SLC20A2: variants seen among roughly 807,000 people sequenced by gnomAD.
SLC20A2 encodes the protein sodium-dependent phosphate transporter 2.
A neutral mutation model predicts 61.0 loss-of-function variants in SLC20A2; 30 were observed. The ratio of observed to expected loss-of-function variants is 0.49; its 90% CI spans 0.37 to 0.67. The LOEUF (loss-of-function observed/expected upper bound fraction) is 0.67, where lower values mean the gene tolerates loss of function less well. Ranked by LOEUF, SLC20A2 falls within the 30% of genes least tolerant of loss-of-function variation. The pLI is 0.00. For missense variants in SLC20A2, 626 were observed against 866.4 expected (o/e 0.72, Z 3.48); for synonymous variants, 351 against 353.3 (o/e 0.99, Z 0.07).
intron 2 of SLC20A2, among the ~76,000 whole-genome samples, chr8:42,467,650 C>G (rs1356973729): frequency 2.6e-5 from 4 of 152,206 alleles, no homozygotes; most frequent in Non-Finnish European, 5.9e-5. Flanking sequence ...GCCATGAGTG[C>G]TAGGCGTGCT....
intron 5 of SLC20A2, among the ~76,000 whole-genome samples, chr8:42,454,724 AATT>A (rs1210176398): frequency 6.6e-6 from 1 of 151,072 alleles, no homozygotes; most frequent in Admixed American, 6.6e-5. Context: ...CAGATTTTAC[AATT>A]ATTATTATTA....
chr8:42,440,003 T>C lies in SLC20A2; in HGVS notation c.731-350A>G, dbSNP rs371241932. On this transcript the variant is annotated intron_variant, in intron 6 of 10. Transcript: ENST00000520262. ...GGGAGGCTGAGGCAGGAGAATCTCT[T>C]AAACCCAGGAGGCAGAATTAGCAGT... is the stretch of plus-strand genomic sequence containing the variant. 6.3e-4 allele frequency among the ~76,000 whole-genome samples: 95 copies of C among 151,646 alleles called. 3 individuals are homozygous for C. The South Asian group carries it at 0.019, about 31-fold the overall frequency.
chr8:42,464,090 ATCTTTTTT>A (rs1489568261), intron 3 of SLC20A2, among the ~76,000 whole-genome samples: 22 of 20,026 alleles, frequency 1.1e-3, no homozygotes, highest in African/African-American at 2.4e-3. Context: ...AGGCTGGATG[ATCTTTTTT>A]TTTTTTTTTT....
At chr8:42,421,937 C>T (rs943420243) in intron 10 of SLC20A2, among the ~76,000 whole-genome samples, 2 of 152,090 alleles carry the variant, frequency 1.3e-5, no homozygotes, top group African/African-American at 2.4e-5. Flanking sequence ...TGAGCCCCTG[C>T]GAGGACCTTG....
intron 1 of SLC20A2, among the ~76,000 whole-genome samples, chr8:42,528,409 C>G (rs1238622022): frequency 6.6e-6 from 1 of 150,580 alleles, no homozygotes. Flanking sequence ...TTGCATTGAG[C>G]AGAGATAATG....
At chr8:42,442,410 G>A (rs1804858638) in intron 6 of SLC20A2, among the ~76,000 whole-genome samples, 1 of 152,096 alleles carries the variant, frequency 6.6e-6, no homozygotes, top group Non-Finnish European at 1.5e-5. Context: ...TTAGGTTAAT[G>A]TTCTTATTTT....
intron 1 of SLC20A2, among the ~76,000 whole-genome samples, chr8:42,480,016 T>G (rs1265288382): frequency 6.6e-6 from 1 of 152,210 alleles, no homozygotes; most frequent in African/African-American, 2.4e-5. Context: ...AGATGTGGAC[T>G]GTAGTGTCAT....
At chr8:42,447,012 T>C (rs1415513261) in intron 5 of SLC20A2, among the ~76,000 whole-genome samples, 1 of 152,202 alleles carries the variant, frequency 6.6e-6, no homozygotes, top group African/African-American at 2.4e-5. Flanking sequence ...TTGTTAACCA[T>C]TTTATACATA....
intron 1 of SLC20A2, among the ~76,000 whole-genome samples, chr8:42,524,362 G>A (rs1355007920): frequency 1.3e-5 from 2 of 152,126 alleles, no homozygotes; most frequent in Non-Finnish European, 2.9e-5. Flanking sequence ...GTGGGTAGAA[G>A]TTTTAACACG....
chr8:42,495,731 G>A (rs1365409762), intron 1 of SLC20A2, among the ~76,000 whole-genome samples: 4 of 151,510 alleles, frequency 2.6e-5, no homozygotes, highest in Non-Finnish European at 4.4e-5. Flanking sequence ...TAAAAGCCAA[G>A]GATTCTACAG....
chr8:42,437,174 C>G lies in SLC20A2; in HGVS notation c.1338G>C (p.Glu446Asp), dbSNP rs374973821. The G allele has an allele frequency of 2.6e-4, 413 of 1,613,528 alleles. No individual in the cohort carries two copies. The highest frequency in any genetic ancestry group is 3.4e-4 in the Non-Finnish European group (405 of 1,180,024). ...YCNAVAEAEIEAEEGGVEMKL... is the reference protein window; with the variant it reads ...YCNAVAEAEIDAEEGGVEMKL... ...TCATCTCCACGCCGCCCTCCTCCGC[C>G]TCGATCTCCGCCTCTGCCACCGCGT... is the stretch of plus-strand genomic sequence containing the variant. Residue 446 changes from glutamate (E) to aspartate (D), a missense_variant, in exon 8 of 11, where the codon GAG (glutamate) becomes GAC (aspartate). By Grantham distance (45) the Glu-to-Asp change is conservative. Around this residue, in one of 3 missense-constraint regions of SLC20A2, gnomAD observed 361 missense variants for 422.3 expected, o/e 0.85. Transcript: ENST00000520262. This position sits in a 1 kb window ranked among gnomAD's most constrained non-coding sequence, Gnocchi z 6.4.
rs1358266775 is a variant in SLC20A2, at chr8:42,419,906, G to A, written c.1795-1939C>T. 3.3e-5 allele frequency among the ~76,000 whole-genome samples: 5 copies of A among 152,132 alleles called. No individual in the cohort carries two copies. The East Asian group carries it at 7.7e-4, about 24-fold the overall frequency. On this transcript the variant is annotated intron_variant, in intron 10 of 10. Transcript: ENST00000520262. Reference sequence around the variant, plus strand: ...CTAGCTTTCACATATACAAATTGTCGGCCAGGTGCAGTGGCTCATGCTTGT... The same window carrying A: ...CTAGCTTTCACATATACAAATTGTCAGCCAGGTGCAGTGGCTCATGCTTGT...
At chr8:42,515,172 T>C (rs1327509627) in intron 1 of SLC20A2, among the ~76,000 whole-genome samples, 2 of 152,184 alleles carry the variant, frequency 1.3e-5, no homozygotes, top group Non-Finnish European at 2.9e-5. Context: ...CAAGGTCACA[T>C]GGAGATAAGT....
At chr8:42,481,001 CAAAG>C (rs1808513980) in intron 1 of SLC20A2, among the ~76,000 whole-genome samples, 1 of 152,118 alleles carries the variant, frequency 6.6e-6, no homozygotes, top group African/African-American at 2.4e-5. Flanking sequence ...TGCTCAGTCA[CAAAG>C]AGTCTTTCTC....
chr8:42,477,464 CTTTTTTT>C (rs56302974), intron 1 of SLC20A2, among the ~76,000 whole-genome samples: 2 of 50,286 alleles, frequency 4.0e-5, no homozygotes, highest in African/African-American at 1.6e-4. Flanking sequence ...GGGACAGGGA[CTTTTTTT>C]TTTTTTTTTT....
intron 6 of SLC20A2, among the ~76,000 whole-genome samples, chr8:42,442,616 C>G (rs1326294068): frequency 6.6e-6 from 1 of 152,210 alleles, no homozygotes; most frequent in Non-Finnish European, 1.5e-5. Context: ...GTCGTGAAGT[C>G]AGGTTAATAT....
At chr8:42,515,081 C>A (rs1179959702) in intron 1 of SLC20A2, among the ~76,000 whole-genome samples, 1 of 152,152 alleles carries the variant, frequency 6.6e-6, no homozygotes, top group Non-Finnish European at 1.5e-5. Flanking sequence ...TTGATTTTTC[C>A]CAATTCTATA....
At chr8:42,521,335 T>C (rs1407700990) in intron 1 of SLC20A2, among the ~76,000 whole-genome samples, 3 of 121,420 alleles carry the variant, frequency 2.5e-5, no homozygotes, top group African/African-American at 5.1e-5. Flanking sequence ...AAGGGCATTA[T>C]GCTGAGTGAA....
At chr8:42,475,829 C>A (rs762249772) in intron 1 of SLC20A2, among the ~76,000 whole-genome samples, 13 of 151,678 alleles carry the variant, frequency 8.6e-5, no homozygotes, top group Non-Finnish European at 1.9e-4. Context: ...CATCCGGGAC[C>A]AGGCTGTGGA....
Sources: allele counts gnomAD v4.1 joint callset (sites outside exome capture counted in the v4.1 genomes callset), GRCh38; gene constraint gnomAD v4.1.1; regional missense constraint gnomAD v4.1.1; non-coding constraint Gnocchi (gnomAD v3.1); transcripts MANE v1.5; gene names NCBI Gene and HGNC (gene_info 2026-07-23, HGNC 2026-07-21).